Variants in SPRED2 observed in about 807,000 individuals in gnomAD.
SPRED2 encodes sprouty related EVH1 domain containing 2, also known as sprouty-related, EVH1 domain-containing protein 2.
Under a neutral mutation model 43.0 loss-of-function variants are expected in SPRED2, and 47 were observed. The ratio of observed to expected loss-of-function variants is 1.09; its 90% CI spans 0.87 to 1.40. The LOEUF (loss-of-function observed/expected upper bound fraction) is 1.40. Among genes scored for constraint, SPRED2 ranks in the 40% most tolerant of loss-of-function variants. The pLI, the probability that SPRED2 is intolerant of heterozygous loss-of-function variation, is 0.00. For missense variants in SPRED2, 561 were observed against 586.4 expected, an observed-to-expected ratio of 0.96 and a Z score of 0.45; for synonymous variants, 225 against 225.7, an observed-to-expected ratio of 1.00 and a Z score of 0.03.
At chr2:65,419,990 A>G (rs1676383229) in intron 1 of SPRED2, among the ~76,000 whole-genome samples, 1 of 152,044 alleles carries the variant, frequency 6.6e-6, no homozygotes, top group Non-Finnish European at 1.5e-5. Flanking sequence ...TGGGCAGATC[A>G]CTTGAGGTCA....
intron 4 of SPRED2, among the ~76,000 whole-genome samples, chr2:65,320,910 A>T (rs1016893515): frequency 1.3e-5 from 2 of 152,210 alleles, no homozygotes; most frequent in East Asian, 3.8e-4. Flanking sequence ...TGAGGTATGC[A>T]CATACCTAAT....
chr2:65,372,408 T>A (rs1675146441), intron 1 of SPRED2, among the ~76,000 whole-genome samples: 1 of 152,010 alleles, frequency 6.6e-6, no homozygotes, highest in South Asian at 2.1e-4. Context: ...TCTGGGAAAG[T>A]ATGGGAAGAG....
At chr2:65,322,285 TATA>T (rs1205980719) in intron 4 of SPRED2, among the ~76,000 whole-genome samples, 8 of 106,908 alleles carry the variant, frequency 7.5e-5, no homozygotes, top group Non-Finnish European at 9.0e-5. Context: ...TATATATATA[TATA>T]TATATATTTT....
At chr2:65,394,463 C>T (rs751254239) in intron 1 of SPRED2, among the ~76,000 whole-genome samples, 3 of 152,204 alleles carry the variant, frequency 2.0e-5, no homozygotes, top group Non-Finnish European at 4.4e-5. Flanking sequence ...AACACAAAAA[C>T]TGAGAATGAG....
chr2:65,407,613 T>G (rs1308230879), intron 1 of SPRED2, among the ~76,000 whole-genome samples: 1 of 152,200 alleles, frequency 6.6e-6, no homozygotes, highest in Non-Finnish European at 1.5e-5. Flanking sequence ...CCTGTTCACA[T>G]GCCTTGGAAA....
chr2:65,359,205 GTCCTACAAGCGCAATT>G (rs1294449079), intron 1 of SPRED2, among the ~76,000 whole-genome samples: 1 of 152,174 alleles, frequency 6.6e-6, no homozygotes, highest in Non-Finnish European at 1.5e-5. Flanking sequence ...GACAGGATTT[GTCCTACAAGCGCAATT>G]TCCTTCCGAG....
Position 65,313,268 on chromosome 2 carries a change from C to T in SPRED2, c.*233G>A. 1 of 1,351,400 alleles carries T rather than the reference C, an allele frequency of 7.4e-7. No homozygotes were observed. Among genetic ancestry groups the T allele is most frequent in the East Asian group, 2.8e-5 (1 of 35,672 alleles). The allele number at this position is 1,351,400 out of a possible 1,614,324, so 83.7% of individuals were successfully genotyped here. On this transcript the variant is annotated 3_prime_UTR_variant, in exon 6 of 6. Coordinates refer to ENST00000356388, the MANE Select transcript of SPRED2 (RefSeq NM_181784.3). ...TGGCGAAGGTTCCTTCCTCAGAACA[C>T]TGTGCGAGCGTGTGTGTATGGATGT...
intron 1 of SPRED2, among the ~76,000 whole-genome samples, chr2:65,383,971 C>T (rs1040409970): frequency 6.6e-6 from 1 of 152,210 alleles, no homozygotes; most frequent in African/African-American, 2.4e-5. Flanking sequence ...CATGTTTCTA[C>T]AAGCTGTCCC....
rs761236586 is a variant in SPRED2, at chr2:65,344,762, C to A, written c.161G>T (p.Arg54Leu). 3 of 1,614,176 alleles carry A rather than the reference C, an allele frequency of 1.9e-6. No homozygotes were observed. The highest frequency in any genetic ancestry group is 1.7e-6 in the Non-Finnish European group (2 of 1,180,020). ...TTCACCATGGATGAGAAAGCCGCTT[C>A]GTCCATTGCCTTCGGGGTGCATGAC... ...CKVMHPEGNG[R>L]SGFLIHGERQ... The change falls in exon 2 of 6, where the codon CGA (arginine) becomes CTA (leucine). Residue 54 changes from arginine to leucine, a missense_variant. By Grantham distance (102) the Arg-to-Leu change is moderately radical. Around this residue, in one of 6 missense-constraint regions of SPRED2, gnomAD observed 305 missense variants for 282.4 expected, o/e 1.08. Coordinates refer to ENST00000356388, the MANE Select transcript of SPRED2 (RefSeq NM_181784.3).
intron 1 of SPRED2, among the ~76,000 whole-genome samples, chr2:65,399,941 A>G (rs1356337097): frequency 1.3e-5 from 2 of 152,280 alleles, no homozygotes; most frequent in South Asian, 4.1e-4. Flanking sequence ...GTAACCAAAC[A>G]CCACCTGTTC....
chr2:65,350,668 C>G (rs912208366), intron 1 of SPRED2, among the ~76,000 whole-genome samples: 1 of 152,184 alleles, frequency 6.6e-6, no homozygotes, highest in African/African-American at 2.4e-5. Flanking sequence ...AGGCAGGTGA[C>G]ATTGTAAGTC....
chr2:65,361,454 T>C (rs2104315053), intron 1 of SPRED2, among the ~76,000 whole-genome samples: 1 of 152,366 alleles, frequency 6.6e-6, no homozygotes, highest in South Asian at 2.1e-4. Context: ...CTCTGACAAA[T>C]TCCTCTAATC....
chr2:65,384,497 TAGTA>T (rs1675445592), intron 1 of SPRED2, among the ~76,000 whole-genome samples: 1 of 152,100 alleles, frequency 6.6e-6, no homozygotes, highest in African/African-American at 2.4e-5. Context: ...GTTCAAAACT[TAGTA>T]AGAATTTCAA....
intron 1 of SPRED2, among the ~76,000 whole-genome samples, chr2:65,387,883 C>G (rs1231558700): frequency 2.0e-5 from 3 of 151,972 alleles, no homozygotes; most frequent in African/African-American, 7.3e-5. Context: ...TTCTCCGCCT[C>G]CCACATTCAA....
intron 1 of SPRED2, among the ~76,000 whole-genome samples, chr2:65,406,973 G>A (rs1676039199): frequency 6.6e-6 from 1 of 151,064 alleles, no homozygotes; most frequent in Admixed American, 6.6e-5. Flanking sequence ...CTGTCGCCCA[G>A]GCTGGAGTGC....
chr2:65,418,225 C>T (rs1405211123), intron 1 of SPRED2, among the ~76,000 whole-genome samples: 1 of 152,178 alleles, frequency 6.6e-6, no homozygotes, highest in Non-Finnish European at 1.5e-5. Flanking sequence ...CCTCAACCAG[C>T]TCTGTTCTAC....
At chr2:65,327,787 G>A (rs537171761) in intron 4 of SPRED2, among the ~76,000 whole-genome samples, 2 of 139,822 alleles carry the variant, frequency 1.4e-5, no homozygotes, top group South Asian at 2.4e-4. Context: ...GCAATGGTGC[G>A]GTCTCGGCTC....
intron 5 of SPRED2, 116 bp from the exon 6 acceptor site, chr2:65,314,285 C>G (rs2104107316): frequency 1.1e-6 from 1 of 945,858 alleles, no homozygotes; most frequent in Non-Finnish European, 1.5e-6. Context: ...CTCGATAACT[C>G]CATCACGATG....
chr2:65,331,434 G>T (rs1348359862), intron 4 of SPRED2, among the ~76,000 whole-genome samples: 3 of 152,164 alleles, frequency 2.0e-5, no homozygotes, highest in African/African-American at 7.2e-5. Context: ...AACTCAAGCT[G>T]TGTCAAAACA....
Sources: gnomAD v4.1 joint callset for allele counts (sites outside exome capture counted in the v4.1 genomes callset) on GRCh38, gnomAD v4.1.1 for gene constraint, gnomAD v4.1.1 regional missense constraint, MANE v1.5 for transcripts, NCBI Gene and HGNC (gene_info 2026-07-23, HGNC 2026-07-21) for gene names.